SNX19: variants seen among roughly 807,000 people sequenced by gnomAD.
SNX19 encodes the protein sorting nexin 19.
SNX19 carries 60 observed loss-of-function variants against 85.2 expected under a neutral mutation model. That is an observed-to-expected ratio of 0.70 (90% CI 0.57 to 0.87). The LOEUF (loss-of-function observed/expected upper bound fraction) is 0.87. Ranked by LOEUF, SNX19 falls within the 40% of genes least tolerant of loss-of-function variation. SNX19 has a pLI of 0.00. For missense variants in SNX19, 1,201 were observed against 1,217.8 expected, an observed-to-expected ratio of 0.99 and a Z score of 0.21; for synonymous variants, 520 against 470.0, an observed-to-expected ratio of 1.11 and a Z score of -1.38.
In SNX19 at chr11:130,869,054, A is replaced by C. The variant is rs937252399; in HGVS notation, c.*9368T>G. 6 of 152,226 alleles carry C rather than the reference A, an allele frequency of 3.9e-5. No individual in the cohort carries two copies. Among genetic ancestry groups the C allele is most frequent in the African/African-American group, 1.4e-4 (6 of 41,454 alleles). 9.4% of individuals were successfully genotyped at this position (152,226 alleles called of 1,614,324 possible). On this transcript the variant is annotated 3_prime_UTR_variant, in exon 11 of 11. Coordinates refer to ENST00000265909, the MANE Select transcript of SNX19 (RefSeq NM_014758.3). ...TTACGAGTTAGAATAGATAAGGTGAAAATTGTCTGCCATGGTATATGCTGG... is the reference window on the plus strand; with the variant it reads ...TTACGAGTTAGAATAGATAAGGTGACAATTGTCTGCCATGGTATATGCTGG...
Position 130,873,620 on chromosome 11 carries a change from C to T in SNX19, c.*4802G>A, listed in dbSNP as rs1234508424. Among the ~76,000 whole-genome samples the T allele has an allele frequency of 1.3e-5, 2 of 152,050 alleles. No homozygotes were observed. Among genetic ancestry groups the T allele is most frequent in the Non-Finnish European group, 2.9e-5 (2 of 68,028 alleles). ...TATTAGATTGGTGCAAAAGTAATTG[C>T]ATTAAAATGGCAAAACTCCAATTAC... On this transcript the variant is annotated 3_prime_UTR_variant, in exon 11 of 11. Transcript: ENST00000265909.
At position 130,915,331 on chromosome 11, in the gene SNX19, G is replaced by A. The variant is rs1436646476; in HGVS notation, c.609C>T (p.His203=). The A allele has an allele frequency of 5.6e-6, 9 of 1,614,212 alleles. No individual in the cohort carries two copies. Among genetic ancestry groups the A allele is most frequent in the Admixed American group, 1.7e-5 (1 of 60,034 alleles). The change falls in exon 1 of 11, where the codon CAC becomes CAT. Residue 203 remains histidine, a synonymous_variant. Transcript: ENST00000265909. ...CRATAPHPAV[H]SPSAEVTYTR... The stretch of plus-strand genomic sequence containing the variant: ...TATAGGTGACTTCAGCACTGGGGCT[G>A]TGCACAGCAGGATGTGGGGCAGTCG...
Position 130,914,622 on chromosome 11 carries a change from T to A in SNX19, c.1318A>T (p.Thr440Ser), listed in dbSNP as rs1451468525. The A allele has an allele frequency of 6.2e-7, 1 of 1,613,974 alleles. No individual in the cohort carries two copies. The highest frequency in any genetic ancestry group is 1.3e-5 in the African/African-American group (1 of 75,046). ...TETETGLPVS[T>S]LNSCPEIHID... is the part of the protein sequence containing the mutation. ...TGGATCTCTGGGCAGGAATTCAGTG[T>A]GGAGACCGGCAGGCCTGTCTCTGTT... Residue 440 changes from threonine (T) to serine (S), a missense_variant, in exon 1 of 11, where the codon ACA becomes TCA. Around this residue, in one of 3 missense-constraint regions of SNX19, gnomAD observed 791 missense variants for 750.9 expected, o/e 1.05. Transcript: ENST00000265909.
Position 130,915,014 on chromosome 11 carries a change from G to A in SNX19, c.926C>T (p.Ala309Val). The change falls in exon 1 of 11, where the codon GCA becomes GTA. Residue 309 changes from alanine to valine, a missense_variant. Transcript: ENST00000265909. ...QLPEGRASPVAAPVFLSYSEP... is the reference protein window; with the variant it reads ...QLPEGRASPVVAPVFLSYSEP... Reference sequence around the variant, plus strand: ...ACTGTAACTTAGGAATACTGGGGCTGCTACTGGAGAAGCTCTCCCTTCTGG... The same window carrying A: ...ACTGTAACTTAGGAATACTGGGGCTACTACTGGAGAAGCTCTCCCTTCTGG... 1 of 1,614,170 alleles carries A rather than the reference G, an allele frequency of 6.2e-7. No homozygotes were observed.
At position 130,875,540 on chromosome 11, in the gene SNX19, G is replaced by A. The variant is rs1943201084; in HGVS notation, c.*2882C>T. 1 of 152,088 alleles carries A rather than the reference G, an allele frequency of 6.6e-6. No homozygotes were observed. Among genetic ancestry groups the A allele is most frequent in the African/African-American group, 2.4e-5 (1 of 41,398 alleles). 9.4% of individuals were successfully genotyped at this position (152,088 alleles called of 1,614,324 possible). On this transcript the variant is annotated 3_prime_UTR_variant, in exon 11 of 11. Transcript: ENST00000265909. ...ATTATGTGTTTCTTTACAACAATAA[G>A]AAAATCACCTTGTAAACTGGAAATT...
chr11:130,880,021 A>G (rs1943545197), intron 9 of SNX19, among the ~76,000 whole-genome samples: 1 of 152,200 alleles, frequency 6.6e-6, no homozygotes, highest in African/African-American at 2.4e-5. Flanking sequence ...GGGTAAATAA[A>G]ACTGATTGTC....
chr11:130,888,989 G>A (rs974404544), intron 8 of SNX19, among the ~76,000 whole-genome samples: 13 of 152,118 alleles, frequency 8.5e-5, no homozygotes, highest in Admixed American at 7.9e-4. Flanking sequence ...TTCATTCACT[G>A]CTGAATGAAT....
intron 8 of SNX19, chr11:130,893,873 T>G (rs1476121517): frequency 1.4e-6 from 1 of 700,002 alleles, no homozygotes; most frequent in Non-Finnish European, 2.6e-6. Flanking sequence ...TCCCACCAAT[T>G]TACCCAACTC....
chr11:130,901,184 C>T (rs1021736819), intron 8 of SNX19, among the ~76,000 whole-genome samples: 2 of 152,180 alleles, frequency 1.3e-5, no homozygotes, highest in African/African-American at 4.8e-5. Context: ...CCCACATCTC[C>T]TTCCCAGTTG....
chr11:130,894,803 C>A (rs1944756939), intron 8 of SNX19: 1 of 985,298 alleles, frequency 1.0e-6, no homozygotes, highest in Admixed American at 6.1e-5. Context: ...TATTATTTAG[C>A]CTAAACCAGT....
rs893425056 is a variant in SNX19, at chr11:130,870,155, C to G, written c.*8267G>C. The stretch of plus-strand genomic sequence containing the variant: ...ATTAAAAACTTAGGTCATTCCACCC[C>G]AACAGTACTCTTTCTTCCATGTCCA... On this transcript the variant is annotated 3_prime_UTR_variant, in exon 11 of 11. Coordinates refer to ENST00000265909, the MANE Select transcript of SNX19 (RefSeq NM_014758.3). The G allele has an allele frequency of 6.6e-6, 1 of 152,148 alleles. No individual in the cohort carries two copies. The highest frequency in any genetic ancestry group is 2.4e-5 in the African/African-American group (1 of 41,420). 9.4% of individuals were successfully genotyped at this position (152,148 alleles called of 1,614,324 possible).
intron 8 of SNX19, among the ~76,000 whole-genome samples, chr11:130,886,297 T>C (rs1321855111): frequency 6.6e-6 from 1 of 152,152 alleles, no homozygotes; most frequent in Non-Finnish European, 1.5e-5. Context: ...CATATATATG[T>C]ATATATCAGA....
intron 6 of SNX19, 46 bp from the exon 7 acceptor site, chr11:130,906,179 G>A (rs746697252): frequency 6.3e-7 from 1 of 1,584,842 alleles, no homozygotes; most frequent in Non-Finnish European, 8.6e-7. Context: ...GCTGACAGTA[G>A]GGGAGCAAAT....
Position 130,875,644 on chromosome 11 carries a change from T to C in SNX19, c.*2778A>G, listed in dbSNP as rs1472579545. On this transcript the variant is annotated 3_prime_UTR_variant, in exon 11 of 11. Transcript: ENST00000265909. The stretch of plus-strand genomic sequence containing the variant: ...TCACTCATAGGTGGGAATTGAACAA[T>C]GAGAACACTTGGACACAGGAAGGTG... 1 of 145,824 alleles carries C rather than the reference T, an allele frequency of 6.9e-6. No homozygotes were observed. Among genetic ancestry groups the C allele is most frequent in the Non-Finnish European group, 1.5e-5 (1 of 67,426 alleles). 9.0% of individuals were successfully genotyped at this position (145,824 alleles called of 1,614,324 possible). A position where few individuals can be genotyped will look rare whatever the true frequency, so the allele number is the denominator to read the frequency against.
At chr11:130,892,533 T>C (rs1383870192) in intron 8 of SNX19, among the ~76,000 whole-genome samples, 2 of 152,232 alleles carry the variant, frequency 1.3e-5, no homozygotes, top group Non-Finnish European at 2.9e-5. Context: ...AGCGAACTAA[T>C]GATGGCAGGA....
chr11:130,914,372 C>T lies in SNX19; in HGVS notation c.1568G>A (p.Ser523Asn). 3.1e-6 allele frequency: 5 copies of T among 1,613,908 alleles called. No individual in the cohort carries two copies. The highest frequency in any genetic ancestry group is 4.2e-6 in the Non-Finnish European group (5 of 1,179,862). Residue 523 changes from serine to asparagine, a missense_variant, in exon 1 of 11, where the codon AGT becomes AAT. Physicochemically the swap from Ser to Asn is conservative, Grantham distance 46. Coordinates refer to ENST00000265909, the MANE Select transcript of SNX19 (RefSeq NM_014758.3). ...CTGGATGATAACTGGACCATCGGGA[C>T]TGCTTAGGGGCTCAAAGCTGAAGGT... ...SATFSFEPLSSPDGPVIIQNL... is the reference protein window; with the variant it reads ...SATFSFEPLSNPDGPVIIQNL...
rs79311356 is a variant in SNX19, at chr11:130,881,936, G to C, written c.2574-1130C>G. Among the ~76,000 whole-genome samples the C allele has an allele frequency of 9.1e-3, 1,381 of 152,296 alleles. 18 individuals are homozygous for C. Among genetic ancestry groups the C allele is most frequent in the African/African-American group, 0.031 (1,304 of 41,566 alleles). On this transcript the variant is annotated intron_variant, in intron 8 of 10. Coordinates refer to ENST00000265909, the MANE Select transcript of SNX19 (RefSeq NM_014758.3). ...GTACTTTAAAAAAACTCCCCGCCGT[G>C]CTTGGTGCTCAAGAAATGGTTGACT...
rs1223286912 is a variant in SNX19 at position 130,915,609 on chromosome 11, G to C, written c.331C>G (p.Arg111Gly). Residue 111 changes from arginine (R) to glycine (G), a missense_variant, in exon 1 of 11, where the codon CGA (arginine) becomes GGA (glycine). By Grantham distance (125) the Arg-to-Gly change is moderately radical (BLOSUM62 -2). Transcript: ENST00000265909. Reference sequence around the variant, plus strand: ...CGGTACCAAGATAACACAAAATCTCGAATAATCATCTGGATGGTGCGGTTG... The same window carrying C: ...CGGTACCAAGATAACACAAAATCTCCAATAATCATCTGGATGGTGCGGTTG... Reference protein sequence around the residue: ...EINRTIQMIIRDFVLSWYRSV... With the variant: ...EINRTIQMIIGDFVLSWYRSV... 1.9e-6 allele frequency: 3 copies of C among 1,614,100 alleles called. No individual in the cohort carries two copies. The highest frequency in any genetic ancestry group is 1.7e-5 in the Admixed American group (1 of 60,010).
intron 8 of SNX19, chr11:130,895,036 C>A (rs1944780641): frequency 2.0e-6 from 2 of 985,274 alleles, no homozygotes; most frequent in Non-Finnish European, 2.4e-6. Context: ...AGTCCAAGTT[C>A]TTGCTTTCCA....
Sources: allele counts gnomAD v4.1 joint callset (sites outside exome capture counted in the v4.1 genomes callset), GRCh38; gene constraint gnomAD v4.1.1; regional missense constraint gnomAD v4.1.1; transcripts MANE v1.5; gene names NCBI Gene and HGNC (gene_info 2026-07-23, HGNC 2026-07-21).